SGMS1: variants seen among roughly 807,000 people sequenced by gnomAD.
The protein encoded by SGMS1 is phosphatidylcholine:ceramide cholinephosphotransferase 1.
In SGMS1, 13 loss-of-function variants were observed where a neutral mutation model predicts 46.2. The observed-to-expected ratio is 0.28, with a 90% CI of 0.18 to 0.45. SGMS1 has a LOEUF of 0.45. SGMS1 is among the 20% of genes least tolerant of loss of function. SGMS1 has a pLI of 1.00. For synonymous variants in SGMS1, 203 were observed against 187.8 expected (o/e 1.08, Z -0.66); for missense variants, 324 against 519.9 (o/e 0.62, Z 3.66).
intron 2 of SGMS1, among the ~76,000 whole-genome samples, chr10:50,545,916 C>T (rs1394449980): frequency 6.6e-6 from 1 of 152,170 alleles, no homozygotes; most frequent in Non-Finnish European, 1.5e-5. Context: ...TATTCATAGA[C>T]ATTCTGTGCA....
intron 3 of SGMS1, among the ~76,000 whole-genome samples, chr10:50,500,600 C>T (rs1380285385): frequency 1.3e-5 from 2 of 151,978 alleles, no homozygotes; most frequent in Non-Finnish European, 2.9e-5. Context: ...GATTTGGGTT[C>T]CATTAATATT....
At chr10:50,406,329 G>C (rs1034034137) in intron 6 of SGMS1, among the ~76,000 whole-genome samples, 1 of 152,216 alleles carries the variant, frequency 6.6e-6, no homozygotes, top group Non-Finnish European at 1.5e-5. Flanking sequence ...CCTGTCGGAT[G>C]TGCAGCTTCT....
chr10:50,436,355 C>T (rs1264697262), intron 5 of SGMS1, among the ~76,000 whole-genome samples: 2 of 152,076 alleles, frequency 1.3e-5, no homozygotes, highest in African/African-American at 4.8e-5. Flanking sequence ...GATCTGCCCA[C>T]CTCAGCCTCC....
chr10:50,324,185 T>TA (rs1342704660), intron 8 of SGMS1, among the ~76,000 whole-genome samples: 1 of 152,208 alleles, frequency 6.6e-6, no homozygotes, highest in East Asian at 1.9e-4. Flanking sequence ...AAAGCATCAT[T>TA]AGCTCTGCTT....
chr10:50,476,343 GA>G (rs1420279118), intron 3 of SGMS1, among the ~76,000 whole-genome samples: 1 of 149,302 alleles, frequency 6.7e-6, no homozygotes, highest in Non-Finnish European at 1.5e-5. Context: ...GGAGGGAAGG[GA>G]AGGGAACTGT....
chr10:50,501,751 A>C (rs1426985661), intron 3 of SGMS1, among the ~76,000 whole-genome samples: 4 of 152,140 alleles, frequency 2.6e-5, no homozygotes, highest in Admixed American at 2.0e-4. Context: ...GTTTCCAGAA[A>C]CCTCAAGATT....
intron 6 of SGMS1, among the ~76,000 whole-genome samples, chr10:50,401,726 C>A (rs1186949616): frequency 2.0e-5 from 3 of 152,210 alleles, no homozygotes; most frequent in Admixed American, 6.5e-5. Context: ...CATTTGCCTT[C>A]TTCAATGCCA....
At chr10:50,412,075 C>T (rs1849107955) in intron 6 of SGMS1, among the ~76,000 whole-genome samples, 1 of 152,152 alleles carries the variant, frequency 6.6e-6, no homozygotes, top group African/African-American at 2.4e-5. Flanking sequence ...GAGGGATGAG[C>T]TGGCTGTGAA....
chr10:50,372,410 A>C (rs1375803522), intron 6 of SGMS1, among the ~76,000 whole-genome samples: 3 of 152,192 alleles, frequency 2.0e-5, no homozygotes, highest in East Asian at 1.9e-4. Context: ...CACAGCTAAT[A>C]GGCCGGGCAC....
chr10:50,478,457 C>A (rs1004930508), intron 3 of SGMS1, among the ~76,000 whole-genome samples: 1 of 152,148 alleles, frequency 6.6e-6, no homozygotes, highest in Non-Finnish European at 1.5e-5. Flanking sequence ...GATTCTCTAC[C>A]TATCTATCCC....
At chr10:50,604,051 C>T in intron 1 of SGMS1, among the ~76,000 whole-genome samples, 1 of 152,102 alleles carries the variant, frequency 6.6e-6, no homozygotes, top group East Asian at 1.9e-4. Context: ...ACATTTCTGA[C>T]CCCTAGAGTT....
At chr10:50,472,263 CATT>C (rs1837385065) in intron 3 of SGMS1, among the ~76,000 whole-genome samples, 1 of 152,074 alleles carries the variant, frequency 6.6e-6, no homozygotes, top group Non-Finnish European at 1.5e-5. Flanking sequence ...ATCTATGATG[CATT>C]ATTTATTAAT....
At chr10:50,598,434 A>T (rs1364830196) in intron 1 of SGMS1, among the ~76,000 whole-genome samples, 3 of 152,144 alleles carry the variant, frequency 2.0e-5, no homozygotes, top group Admixed American at 6.5e-5. Flanking sequence ...AGAACTATAC[A>T]CTTCCAAAAA....
intron 2 of SGMS1, among the ~76,000 whole-genome samples, chr10:50,531,228 C>G (rs980820199): frequency 6.6e-6 from 1 of 152,200 alleles, no homozygotes; most frequent in Non-Finnish European, 1.5e-5. Context: ...CTTGCTATCA[C>G]CCATGTGTGC....
chr10:50,479,960 A>C (rs1837461401), intron 3 of SGMS1, among the ~76,000 whole-genome samples: 1 of 152,194 alleles, frequency 6.6e-6, no homozygotes, highest in African/African-American at 2.4e-5. Context: ...TATGCCATTT[A>C]AAGGGCTCTA....
At chr10:50,576,022 C>T (rs1305604058) in intron 2 of SGMS1, among the ~76,000 whole-genome samples, 1 of 152,138 alleles carries the variant, frequency 6.6e-6, no homozygotes, top group Non-Finnish European at 1.5e-5. Flanking sequence ...ATCTGCCTTG[C>T]CTCTTCCTTT....
At chr10:50,560,572 A>G (rs1458812511) in intron 2 of SGMS1, among the ~76,000 whole-genome samples, 2 of 146,126 alleles carry the variant, frequency 1.4e-5, no homozygotes, top group Non-Finnish European at 3.0e-5. Context: ...TGACATATAT[A>G]CATAATACAA....
Position 50,307,284 on chromosome 10 carries a change from C to T in SGMS1, c.1100G>A (p.Arg367Lys), listed in dbSNP as rs1193977951. ...CTGAAATGGCCTGTACCACCACACC[C>T]TGGCCAGGAGGTTCATCTGGGAAGC... Reference protein sequence around the residue: ...KEASQMNLLARVWWYRPFQYF... With the variant: ...KEASQMNLLAKVWWYRPFQYF... Residue 367 changes from arginine (R) to lysine (K), a missense_variant, in exon 11 of 11, where the codon AGG (arginine) becomes AAG (lysine). Arg to Lys is a conservative substitution (Grantham distance 26, BLOSUM62 2). Around this residue, in one of 2 missense-constraint regions of SGMS1, gnomAD observed 174 missense variants for 350.1 expected, o/e 0.50. Transcript: ENST00000361781. This position sits in a 1 kb window ranked among gnomAD's most constrained non-coding sequence, Gnocchi z 4.2. 6.2e-7 allele frequency: 1 copy of T among 1,613,970 alleles called. No individual in the cohort carries two copies.
intron 2 of SGMS1, among the ~76,000 whole-genome samples, chr10:50,574,170 T>G (rs561580183): frequency 9.6e-6 from 1 of 103,810 alleles, no homozygotes; most frequent in Non-Finnish European, 2.0e-5. Context: ...AAAATAGATA[T>G]GGTATACAGC....
Sources: gnomAD v4.1 joint callset for allele counts (sites outside exome capture counted in the v4.1 genomes callset) on GRCh38, gnomAD v4.1.1 for gene constraint, gnomAD v4.1.1 regional missense constraint, Gnocchi (gnomAD v3.1) non-coding constraint, MANE v1.5 for transcripts, NCBI Gene and HGNC (gene_info 2026-07-23, HGNC 2026-07-21) for gene names.